Variants in SYT1 observed in about 807,000 individuals in gnomAD.
SYT1 encodes the protein synaptotagmin 1.
Under a neutral mutation model 44.8 loss-of-function variants are expected in SYT1, and 8 were observed. That is an observed-to-expected ratio of 0.18 (90% CI 0.10 to 0.32). The LOEUF (loss-of-function observed/expected upper bound fraction) is 0.32, where lower values mean the gene tolerates loss of function less well. SYT1 is among the 10% of genes least tolerant of loss of function. The pLI is 1.00. For synonymous variants in SYT1, 154 were observed against 188.8 expected (o/e 0.82, Z 1.51); for missense variants, 286 against 509.3 (o/e 0.56, Z 4.22).
chr12:79,246,922 G>T (rs1876884382), intron 4 of SYT1, among the ~76,000 whole-genome samples: 1 of 152,194 alleles, frequency 6.6e-6, no homozygotes, highest in African/African-American at 2.4e-5. Context: ...CCAGTGGCTG[G>T]AACATAAGGG....
At chr12:79,006,118 A>G (rs1871063198) in intron 2 of SYT1, among the ~76,000 whole-genome samples, 1 of 152,136 alleles carries the variant, frequency 6.6e-6, no homozygotes, top group Admixed American at 6.6e-5. Flanking sequence ...TCTAGGGAGG[A>G]CCAAAATCTT....
intron 2 of SYT1, among the ~76,000 whole-genome samples, chr12:79,038,111 C>G (rs1488520103): frequency 6.6e-6 from 1 of 150,906 alleles, no homozygotes; most frequent in African/African-American, 2.4e-5. Flanking sequence ...TAATTATTTA[C>G]CTTTTGTCAT....
intron 3 of SYT1, among the ~76,000 whole-genome samples, chr12:79,188,743 T>C (rs774289089): frequency 4.7e-4 from 71 of 152,138 alleles, no homozygotes; most frequent in Non-Finnish European, 3.7e-4. Context: ...AATTTGCTTT[T>C]TTCCCCCCAC....
chr12:79,211,769 C>T (rs1204674657), intron 3 of SYT1, among the ~76,000 whole-genome samples: 1 of 151,900 alleles, frequency 6.6e-6, no homozygotes, highest in Non-Finnish European at 1.5e-5. Context: ...AGGACATGAA[C>T]TCATCATTTT....
chr12:78,882,955 A>C (rs1191831470), intron 1 of SYT1, among the ~76,000 whole-genome samples: 1 of 151,676 alleles, frequency 6.6e-6, no homozygotes, highest in Non-Finnish European at 1.5e-5. Flanking sequence ...ACTCATTTTC[A>C]GAAACTACCT....
chr12:79,404,663 G>A (rs997988700), intron 9 of SYT1, among the ~76,000 whole-genome samples: 11 of 152,134 alleles, frequency 7.2e-5, no homozygotes, highest in Non-Finnish European at 8.8e-5. Context: ...TGCGACTTGC[G>A]TAGCGTAGGT....
intron 3 of SYT1, among the ~76,000 whole-genome samples, chr12:79,150,725 G>A (rs1412802459): frequency 6.6e-6 from 1 of 152,188 alleles, no homozygotes; most frequent in African/African-American, 2.4e-5. Context: ...AATCTGGAAT[G>A]ATTGGGCATT....
chr12:79,418,031 G>C (rs775472925), intron 9 of SYT1, among the ~76,000 whole-genome samples: 1 of 151,292 alleles, frequency 6.6e-6, no homozygotes, highest in Non-Finnish European at 1.5e-5. Flanking sequence ...CTGCAAAGCT[G>C]ATCTACACAA....
At chr12:79,291,876 G>GTGTCAGAC in intron 5 of SYT1, 132 bp from the exon 6 acceptor site, 1 of 1,092,914 alleles carries the variant, frequency 9.1e-7, no homozygotes, top group East Asian at 2.4e-5. Context: ...ATGTGAATGT[G>GTGTCAGAC]TGTCAGACAA....
intron 2 of SYT1, among the ~76,000 whole-genome samples, chr12:79,043,394 C>T (rs998683786): frequency 3.3e-5 from 5 of 149,258 alleles, no homozygotes; most frequent in Non-Finnish European, 7.4e-5. Flanking sequence ...CCTTCTTTGT[C>T]TCTTTTGATC....
chr12:79,144,668 A>G (rs566797294), intron 3 of SYT1, among the ~76,000 whole-genome samples: 36 of 152,310 alleles, frequency 2.4e-4, no homozygotes, highest in Non-Finnish European at 5.0e-4. Flanking sequence ...ATACCTCTCA[A>G]ACCTCTTCAC....
intron 10 of SYT1, among the ~76,000 whole-genome samples, chr12:79,447,871 T>C (rs879759882): frequency 6.6e-6 from 1 of 152,180 alleles, no homozygotes; most frequent in Admixed American, 6.5e-5. Flanking sequence ...CTCCAGCATA[T>C]AAAGTCCACT....
At chr12:79,179,349 TATATCG>T (rs1286746500) in intron 3 of SYT1, among the ~76,000 whole-genome samples, 5 of 47,748 alleles carry the variant, frequency 1.0e-4, no homozygotes, top group African/African-American at 1.4e-4. Context: ...TCGATATGTC[TATATCG>T]ATATAGATAT....
intron 2 of SYT1, among the ~76,000 whole-genome samples, chr12:79,010,523 A>G (rs1455792944): frequency 6.6e-6 from 1 of 152,092 alleles, no homozygotes; most frequent in Non-Finnish European, 1.5e-5. Context: ...AGGTATCTAT[A>G]TTTTATCCCC....
rs1428243013 is a variant in SYT1, at chr12:79,271,855, AC to A, written c.167-13931del. 3.6e-4 allele frequency among the ~76,000 whole-genome samples: 55 copies of A among 152,172 alleles called. 1 individual carries two copies. Among genetic ancestry groups the A allele is most frequent in the Non-Finnish European group, 1.3e-4 (9 of 68,032 alleles). On this transcript the variant is annotated intron_variant, in intron 4 of 10. Coordinates refer to ENST00000261205, the MANE Select transcript of SYT1 (RefSeq NM_005639.3). ...GCCAAGATTTAAGTCGGTGAGAAAAACATTTCTTGTATGGGAAGAGAGTTTA... is the reference window on the plus strand; with the variant it reads ...GCCAAGATTTAAGTCGGTGAGAAAAAATTTCTTGTATGGGAAGAGAGTTTA...
intron 2 of SYT1, among the ~76,000 whole-genome samples, chr12:79,017,257 C>T (rs953137095): frequency 1.1e-4 from 17 of 152,086 alleles, no homozygotes; most frequent in African/African-American, 1.9e-4. Context: ...TTTATACTTA[C>T]TTGTATTAGG....
chr12:78,953,715 A>G (rs990510711), intron 1 of SYT1, among the ~76,000 whole-genome samples: 1 of 152,106 alleles, frequency 6.6e-6, no homozygotes, highest in African/African-American at 2.4e-5. Flanking sequence ...ACCATTTTGA[A>G]ATTTTTCATA....
At chr12:79,397,689 C>A (rs932055004) in intron 9 of SYT1, among the ~76,000 whole-genome samples, 2 of 152,164 alleles carry the variant, frequency 1.3e-5, no homozygotes, top group African/African-American at 2.4e-5. Flanking sequence ...TAATTGATGA[C>A]CTAAGTCTTA....
In SYT1 at chr12:78,979,635, T is replaced by C. The variant is rs78199393; in HGVS notation, c.-84+1704T>C. ...AATTTTAATTTTTTTCTACATGTTT[T>C]CATTACTTGGCTGCAAAAAGCATTC... On this transcript the variant is annotated intron_variant, in intron 2 of 10. Transcript: ENST00000261205. 5.6e-4 allele frequency among the ~76,000 whole-genome samples: 86 copies of C among 152,270 alleles called. 1 individual carries two copies. In the East Asian group the frequency reaches 0.012, roughly 21 times the overall value.
Sources: allele counts gnomAD v4.1 joint callset (sites outside exome capture counted in the v4.1 genomes callset), GRCh38; gene constraint gnomAD v4.1.1; transcripts MANE v1.5; gene names NCBI Gene and HGNC (gene_info 2026-07-23, HGNC 2026-07-21).